The following MAGI2 variants were observed in gnomAD, a reference collection of about 807,000 sequenced individuals.
MAGI2 encodes the protein membrane-associated guanylate kinase, WW and PDZ domain-containing protein 2.
Under a neutral mutation model 133.3 loss-of-function variants are expected in MAGI2, and 35 were observed. The ratio of observed to expected loss-of-function variants is 0.26; its 90% CI spans 0.20 to 0.35. The LOEUF is 0.35. Among genes scored for constraint, MAGI2 ranks in the 10% least tolerant of loss-of-function variants. The pLI is 1.00. For synonymous variants in MAGI2, 729 were observed against 710.6 expected, an observed-to-expected ratio of 1.03 and a Z score of -0.41; for missense variants, 1,636 against 1,863.4, an observed-to-expected ratio of 0.88 and a Z score of 2.25.
chr7:78,727,222 C>T (rs899627155), intron 2 of MAGI2, among the ~76,000 whole-genome samples: 1 of 151,972 alleles, frequency 6.6e-6, no homozygotes, highest in Non-Finnish European at 1.5e-5. Context: ...TAGAGTTTAT[C>T]GATATATAAG....
At chr7:78,053,204 G>A (rs773859161) in intron 21 of MAGI2, among the ~76,000 whole-genome samples, 4 of 152,162 alleles carry the variant, frequency 2.6e-5, no homozygotes, top group Non-Finnish European at 5.9e-5. Context: ...GAGAACTAAC[G>A]CTACTTGCAG....
chr7:78,488,890 T>G (rs1020530954), intron 6 of MAGI2, among the ~76,000 whole-genome samples: 2 of 152,034 alleles, frequency 1.3e-5, no homozygotes, highest in African/African-American at 4.8e-5. Flanking sequence ...TTTTAAAAAC[T>G]TTGTTTAACG....
At chr7:78,203,607 C>A (rs1829466251) in intron 10 of MAGI2, among the ~76,000 whole-genome samples, 1 of 152,186 alleles carries the variant, frequency 6.6e-6, no homozygotes, top group Admixed American at 6.5e-5. Flanking sequence ...AGTTGTGCTG[C>A]AGAAGCTTCA....
intron 1 of MAGI2, among the ~76,000 whole-genome samples, chr7:79,131,901 C>G (rs16886435): frequency 0.045 from 6,902 of 152,040 alleles, 242 homozygotes; most frequent in African/African-American, 0.092. Flanking sequence ...GATTACAGGT[C>G]TCTAGTGCTC....
intron 1 of MAGI2, among the ~76,000 whole-genome samples, chr7:79,144,272 T>A (rs1172673229): frequency 6.6e-6 from 1 of 152,154 alleles, no homozygotes; most frequent in Non-Finnish European, 1.5e-5. Flanking sequence ...TGGTTTGGAT[T>A]TGTGTCTCCA....
In MAGI2 at chr7:79,356,153, G is replaced by C. The variant is rs11976370; in HGVS notation, c.301+96867C>G. ...TATACAATAATAATATGTGAAATAGGTTATATGAAAAAAGGTTAATTCATA... is the reference window on the plus strand; with the variant it reads ...TATACAATAATAATATGTGAAATAGCTTATATGAAAAAAGGTTAATTCATA... On this transcript the variant is annotated intron_variant, in intron 1 of 21. Transcript: ENST00000354212. Among the ~76,000 whole-genome samples, 207 of 152,144 alleles carry C rather than the reference G, an allele frequency of 1.4e-3. 1 individual carries two copies. Among genetic ancestry groups the C allele is most frequent in the African/African-American group, 4.8e-3 (198 of 41,526 alleles).
intron 1 of MAGI2, among the ~76,000 whole-genome samples, chr7:79,168,441 C>T (rs80029124): frequency 0.056 from 8,590 of 152,102 alleles, 500 homozygotes; most frequent in East Asian, 0.15. Context: ...GACATTTTCC[C>T]ATAACACAAA....
chr7:78,870,124 T>C (rs1463411918), intron 2 of MAGI2, among the ~76,000 whole-genome samples: 1 of 151,892 alleles, frequency 6.6e-6, no homozygotes, highest in African/African-American at 2.4e-5. Flanking sequence ...AAAAAAGAAA[T>C]AACCTCATCA....
At chr7:78,653,086 T>C (rs1811753623) in intron 2 of MAGI2, among the ~76,000 whole-genome samples, 1 of 152,188 alleles carries the variant, frequency 6.6e-6, no homozygotes, top group African/African-American at 2.4e-5. Flanking sequence ...CACAATGAGA[T>C]ACCATCTCAT....
At chr7:79,403,652 A>C (rs1845615643) in intron 1 of MAGI2, among the ~76,000 whole-genome samples, 1 of 152,182 alleles carries the variant, frequency 6.6e-6, no homozygotes, top group Non-Finnish European at 1.5e-5. Flanking sequence ...ATGCCTGCCA[A>C]AAATGAAAAT....
chr7:78,504,542 A>T (rs1477654744), intron 4 of MAGI2, among the ~76,000 whole-genome samples: 2 of 152,152 alleles, frequency 1.3e-5, no homozygotes, highest in Non-Finnish European at 2.9e-5. Context: ...GAGGGGCTGA[A>T]AGGTAGTGAG....
chr7:78,544,073 T>C (rs1407562168), intron 3 of MAGI2, among the ~76,000 whole-genome samples: 1 of 152,184 alleles, frequency 6.6e-6, no homozygotes, highest in Non-Finnish European at 1.5e-5. Context: ...TGTGCTGAAA[T>C]TCATGAATTA....
intron 21 of MAGI2, among the ~76,000 whole-genome samples, chr7:78,058,852 C>T (rs577330033): frequency 2.0e-5 from 3 of 152,158 alleles, no homozygotes; most frequent in Non-Finnish European, 2.9e-5. Context: ...AGCTAGTTAA[C>T]GGCATCACTT....
chr7:78,337,283 G>C (rs1379669229), intron 9 of MAGI2, among the ~76,000 whole-genome samples: 1 of 152,140 alleles, frequency 6.6e-6, no homozygotes, highest in East Asian at 1.9e-4. Flanking sequence ...AAACCTTCTG[G>C]AACATCATAG....
intron 3 of MAGI2, among the ~76,000 whole-genome samples, chr7:78,584,422 A>G (rs1294625676): frequency 6.7e-5 from 1 of 14,952 alleles, no homozygotes; most frequent in Non-Finnish European, 1.3e-4. Flanking sequence ...TCCGTCTCAG[A>G]AAAAAAAAAA....
chr7:78,165,334 T>A (rs1281284862), intron 15 of MAGI2, among the ~76,000 whole-genome samples: 1 of 152,106 alleles, frequency 6.6e-6, no homozygotes, highest in Non-Finnish European at 1.5e-5. Context: ...CAAAAAAATT[T>A]TTTGCCTTTC....
chr7:78,140,257 A>G (rs1822609548), intron 16 of MAGI2, among the ~76,000 whole-genome samples: 1 of 152,218 alleles, frequency 6.6e-6, no homozygotes, highest in Admixed American at 6.5e-5. Flanking sequence ...TCCTAAGGGA[A>G]GGGATTATTA....
intron 2 of MAGI2, among the ~76,000 whole-genome samples, chr7:78,631,521 G>A (rs554598309): frequency 6.6e-6 from 1 of 152,144 alleles, no homozygotes; most frequent in African/African-American, 2.4e-5. Flanking sequence ...ATGGTCAAGA[G>A]AGTGGGTTGA....
At chr7:79,344,905 T>C (rs926665901) in intron 1 of MAGI2, among the ~76,000 whole-genome samples, 14 of 152,062 alleles carry the variant, frequency 9.2e-5, no homozygotes, top group Non-Finnish European at 1.6e-4. Context: ...CTTGGGTACT[T>C]GTGGAAAACA....
Sources: gnomAD v4.1 joint callset for allele counts (sites outside exome capture counted in the v4.1 genomes callset) on GRCh38, gnomAD v4.1.1 for gene constraint, MANE v1.5 for transcripts, NCBI Gene and HGNC (gene_info 2026-07-23, HGNC 2026-07-21) for gene names.